FGF1: variants seen among roughly 807,000 people sequenced by gnomAD.
FGF1 encodes fibroblast growth factor 1, also known as beta-endothelial cell growth factor.
A neutral mutation model predicts 13.4 loss-of-function variants in FGF1; 9 were observed. The ratio of observed to expected loss-of-function variants is 0.67; its 90% CI spans 0.40 to 1.17. The LOEUF (loss-of-function observed/expected upper bound fraction) is 1.17, where lower values mean the gene tolerates loss of function less well. Ranked by LOEUF, FGF1 falls within the 50% of genes most tolerant of loss-of-function variation. The pLI is 0.01. For synonymous variants in FGF1, 93 were observed against 79.0 expected, an observed-to-expected ratio of 1.18 and a Z score of -0.94; for missense variants, 156 against 192.7, an observed-to-expected ratio of 0.81 and a Z score of 1.13.
chr5:142,642,979 G>T (rs113715578), intron 1 of FGF1, among the ~76,000 whole-genome samples: 2,699 of 152,266 alleles, frequency 0.018, 79 homozygotes, highest in African/African-American at 0.061. Context: ...TAGTCATTAT[G>T]CTAAACATTT....
chr5:142,649,013 T>C (rs1195132999), intron 1 of FGF1, among the ~76,000 whole-genome samples: 1 of 152,220 alleles, frequency 6.6e-6, no homozygotes, highest in Non-Finnish European at 1.5e-5. Context: ...ACTACTTTTA[T>C]TTTTAATTTA....
chr5:142,630,712 C>T (rs752061432), intron 1 of FGF1, among the ~76,000 whole-genome samples: 2 of 152,138 alleles, frequency 1.3e-5, no homozygotes, highest in Non-Finnish European at 2.9e-5. Context: ...GGTCCCTCTG[C>T]AGCAGTGCCC....
intron 2 of FGF1, among the ~76,000 whole-genome samples, chr5:142,693,045 T>C (rs572964373): frequency 1.3e-5 from 2 of 152,106 alleles, no homozygotes; most frequent in African/African-American, 4.8e-5. Context: ...CTAAAAAATC[T>C]AAAATGTCTG....
chr5:142,655,005 G>A (rs1369483504), intron 1 of FGF1, among the ~76,000 whole-genome samples: 2 of 152,202 alleles, frequency 1.3e-5, no homozygotes, highest in African/African-American at 2.4e-5. Context: ...CCAGCTCCAA[G>A]GAAAACAGTC....
At chr5:142,624,097 T>C (rs1227833653) in intron 1 of FGF1, among the ~76,000 whole-genome samples, 1 of 152,082 alleles carries the variant, frequency 6.6e-6, no homozygotes, top group Non-Finnish European at 1.5e-5. Flanking sequence ...TTTTTGTATT[T>C]TTAGTAGAGA....
Position 142,608,565 on chromosome 5 carries a change from TATATATATATATATATATAC to T in FGF1, c.169+5374_169+5393del, listed in dbSNP as rs1340599061. Among the ~76,000 whole-genome samples the T allele has an allele frequency of 2.7e-3, 244 of 88,916 alleles. 3 individuals are homozygous for T. In the East Asian group the frequency reaches 0.044, roughly 16 times the overall value. 58.3% of individuals were successfully genotyped at this position (88,916 alleles called of 152,430 possible). On this transcript the variant is annotated intron_variant, in intron 2 of 3. Transcript: ENST00000337706. The stretch of plus-strand genomic sequence containing the variant: ...ATCTATATATATATATATATATATA[TATATATATATATATATATAC>T]ACACACACACACATATATGTAAATA...
At chr5:142,683,255 T>C (rs1774051372) in intron 1 of FGF1, among the ~76,000 whole-genome samples, 1 of 152,172 alleles carries the variant, frequency 6.6e-6, no homozygotes, top group Non-Finnish European at 1.5e-5. Context: ...ACCTAACCCC[T>C]GGGAGCTAGC....
intron 2 of FGF1, among the ~76,000 whole-genome samples, chr5:142,605,747 T>C (rs1757517277): frequency 6.6e-6 from 1 of 152,204 alleles, no homozygotes; most frequent in Admixed American, 6.5e-5. Flanking sequence ...TCTGGCTAAG[T>C]TTCCTAAACA....
At chr5:142,672,396 A>G (rs573170883) in intron 1 of FGF1, among the ~76,000 whole-genome samples, 1 of 152,254 alleles carries the variant, frequency 6.6e-6, no homozygotes, top group Admixed American at 6.5e-5. Context: ...CAGGCACTGT[A>G]TATTCAAAAC....
chr5:142,593,858 A>T lies in FGF1; in HGVS notation c.*1432T>A, dbSNP rs1485287883. 2 of 152,626 alleles carry T rather than the reference A, an allele frequency of 1.3e-5. No individual in the cohort carries two copies. The highest frequency in any genetic ancestry group is 4.8e-5 in the African/African-American group (2 of 41,444). The allele number at this position is 152,626 out of a possible 1,614,324, so 9.5% of individuals were successfully genotyped here. On this transcript the variant is annotated 3_prime_UTR_variant, in exon 4 of 4. Transcript: ENST00000337706. ...GCATCAGTATCATATGTTAGAGATG[A>T]ATGGTGTTTCTAATTTGCTAGCCAC...
At chr5:142,666,084 C>A (rs979486088) in intron 1 of FGF1, among the ~76,000 whole-genome samples, 3 of 147,890 alleles carry the variant, frequency 2.0e-5, no homozygotes, top group Non-Finnish European at 4.5e-5. Context: ...GGAATTGCAT[C>A]ATAACACAAG....
At chr5:142,643,456 C>G (rs2151954906) in intron 1 of FGF1, among the ~76,000 whole-genome samples, 1 of 152,208 alleles carries the variant, frequency 6.6e-6, no homozygotes, top group South Asian at 2.1e-4. Flanking sequence ...AATTATTATT[C>G]TGACAAAATC....
In FGF1 at chr5:142,595,139, G is replaced by A. The variant is rs1754984188; in HGVS notation, c.*151C>T. The A allele has an allele frequency of 9.5e-6, 6 of 634,896 alleles. No homozygotes were observed. Among genetic ancestry groups the A allele is most frequent in the Non-Finnish European group, 1.6e-5 (6 of 364,828 alleles). The allele number at this position is 634,896 out of a possible 1,614,324, so 39.3% of individuals were successfully genotyped here. On this transcript the variant is annotated 3_prime_UTR_variant, in exon 4 of 4. Transcript: ENST00000337706. Reference sequence around the variant, plus strand: ...GGGGTAAAAGGCTCTGCAAAGAAGTGAACTGGGCATTTAGAAGCAAGTTGC... The same window carrying A: ...GGGGTAAAAGGCTCTGCAAAGAAGTAAACTGGGCATTTAGAAGCAAGTTGC...
chr5:142,614,571 A>G (rs914689750), intron 1 of FGF1, among the ~76,000 whole-genome samples: 2 of 152,208 alleles, frequency 1.3e-5, no homozygotes, highest in African/African-American at 2.4e-5. Context: ...AGAGGCCAGG[A>G]CCAAGGTTCT....
intron 1 of FGF1, among the ~76,000 whole-genome samples, chr5:142,622,085 T>C (rs1434229923): frequency 6.6e-6 from 1 of 152,242 alleles, no homozygotes; most frequent in Admixed American, 6.5e-5. Flanking sequence ...GTCAGCTCCA[T>C]GATAGTACAA....
intron 2 of FGF1, among the ~76,000 whole-genome samples, chr5:142,691,951 T>C (rs1752295562): frequency 6.6e-6 from 1 of 152,240 alleles, no homozygotes; most frequent in African/African-American, 2.4e-5. Context: ...CCTTGCCTCC[T>C]CAAAGTCTTT....
At chr5:142,678,279 A>T (rs1333825367) in intron 1 of FGF1, among the ~76,000 whole-genome samples, 1 of 152,084 alleles carries the variant, frequency 6.6e-6, no homozygotes, top group Non-Finnish European at 1.5e-5. Flanking sequence ...AACTGAAGAG[A>T]AGGGAATTAT....
At chr5:142,680,813 CGAGCAACAGCCAGACCT>C (rs1459215861) in intron 1 of FGF1, 7 of 152,092 alleles carry the variant, frequency 4.6e-5, no homozygotes, top group Non-Finnish European at 1.0e-4. Context: ...GAAAGGAAGC[CGAGCAACAGCCAGACCT>C]GATCTTCTTT....
intron 3 of FGF1, among the ~76,000 whole-genome samples, chr5:142,598,287 C>A (rs984534974): frequency 2.6e-5 from 4 of 152,196 alleles, no homozygotes; most frequent in Admixed American, 6.5e-5. Context: ...TTGACACACA[C>A]AAAATAGCTG....
Sources: allele counts gnomAD v4.1 joint callset (sites outside exome capture counted in the v4.1 genomes callset), GRCh38; gene constraint gnomAD v4.1.1; transcripts MANE v1.5; gene names NCBI Gene and HGNC (gene_info 2026-07-23, HGNC 2026-07-21).